The following PLA2G4C variants were observed in gnomAD, a reference collection of about 807,000 sequenced individuals.
PLA2G4C encodes cytosolic phospholipase A2 gamma.
In PLA2G4C, 64 loss-of-function variants were observed where a neutral mutation model predicts 73.8. The ratio of observed to expected loss-of-function variants is 0.87; its 90% CI spans 0.71 to 1.07. The LOEUF (loss-of-function observed/expected upper bound fraction) is 1.07, where lower values mean the gene tolerates loss of function less well. Ranked by LOEUF, PLA2G4C falls within the 50% of genes least tolerant of loss-of-function variation. The pLI is 0.00. For missense variants in PLA2G4C, 622 were observed against 665.4 expected, an observed-to-expected ratio of 0.93 and a Z score of 0.72; for synonymous variants, 254 against 252.1, an observed-to-expected ratio of 1.01 and a Z score of -0.07.
At position 48,110,729 on chromosome 19, in the gene PLA2G4C, G is replaced by A. The variant is rs1166872411; in HGVS notation, c.-275C>T. On this transcript the variant is annotated 5_prime_UTR_variant, in exon 1 of 17. Coordinates refer to ENST00000599921, the MANE Select transcript of PLA2G4C (RefSeq NM_003706.3). The stretch of plus-strand genomic sequence containing the variant: ...GGTGTTTCCTCCTGGTCCTGAGCAG[G>A]GCCAACCTGGAGGTAAAATGGCCCC... 2 of 433,388 alleles carry A rather than the reference G, an allele frequency of 4.6e-6. No individual in the cohort carries two copies. Among genetic ancestry groups the A allele is most frequent in the Non-Finnish European group, 8.0e-6 (2 of 251,412 alleles). The allele number at this position is 433,388 out of a possible 1,614,324, so 26.8% of individuals were successfully genotyped here.
chr19:48,099,108 A>T (rs1600248148), intron 5 of PLA2G4C, among the ~76,000 whole-genome samples: 2 of 145,152 alleles, frequency 1.4e-5, no homozygotes, highest in African/African-American at 5.2e-5. Context: ...AAAAAAAAAA[A>T]TAATTAAAAA....
chr19:48,058,690 C>T (rs759523796), intron 14 of PLA2G4C, among the ~76,000 whole-genome samples: 50 of 151,096 alleles, frequency 3.3e-4, no homozygotes, highest in Non-Finnish European at 6.3e-4. Flanking sequence ...TGGTGGCGGG[C>T]GCCTGTAATC....
chr19:48,074,725 G>C, intron 12 of PLA2G4C, 42 bp downstream of exon 12: 2 of 1,359,128 alleles, frequency 1.5e-6, no homozygotes, highest in Non-Finnish European at 2.1e-6. Context: ...GAAGGTTGGT[G>C]GCACTTACTG....
At chr19:48,106,033 G>A (rs553306544) in intron 2 of PLA2G4C, among the ~76,000 whole-genome samples, 1 of 137,512 alleles carries the variant, frequency 7.3e-6, no homozygotes, top group South Asian at 2.4e-4. Context: ...GTCTCGCTCT[G>A]TTGCCCAGGC....
chr19:48,098,515 C>T (rs2031724500), intron 5 of PLA2G4C, among the ~76,000 whole-genome samples: 1 of 150,844 alleles, frequency 6.6e-6, no homozygotes, highest in East Asian at 2.0e-4. Context: ...TAGAGACAGG[C>T]TTTTGCTATG....
chr19:48,110,677 C>G lies in PLA2G4C; in HGVS notation c.-223G>C, dbSNP rs1330702218. The stretch of plus-strand genomic sequence containing the variant: ...TGTGGTCCTCCTGCTTTCCTTTTCC[C>G]CCTGTGGGAGGAGGTCGCGGGCTGG... On this transcript the variant is annotated 5_prime_UTR_variant, in exon 1 of 17. Transcript: ENST00000599921. The G allele has an allele frequency of 8.3e-6, 4 of 480,216 alleles. No individual in the cohort carries two copies. The highest frequency in any genetic ancestry group is 1.3e-5 in the Non-Finnish European group (4 of 303,684). 29.7% of individuals were successfully genotyped at this position (480,216 alleles called of 1,614,324 possible). A position where few individuals can be genotyped will look rare whatever the true frequency, so the allele number is the denominator to read the frequency against.
intron 4 of PLA2G4C, among the ~76,000 whole-genome samples, chr19:48,102,475 G>C (rs1253187611): frequency 6.6e-6 from 1 of 152,026 alleles, no homozygotes; most frequent in Admixed American, 6.6e-5. Flanking sequence ...TGGGCGACAA[G>C]AGCAAGACTG....
At chr19:48,093,441 C>T (rs1019566218) in intron 7 of PLA2G4C, among the ~76,000 whole-genome samples, 1 of 152,162 alleles carries the variant, frequency 6.6e-6, no homozygotes, top group Non-Finnish European at 1.5e-5. Flanking sequence ...TAAGTTTACA[C>T]ACCCACCCCT....
chr19:48,074,987 A>T, intron 11 of PLA2G4C, 113 bp from the exon 12 acceptor site: 1 of 634,156 alleles, frequency 1.6e-6, no homozygotes, highest in Non-Finnish European at 2.7e-6. Flanking sequence ...TCCTGAGGTG[A>T]CCTCCTTCTC....
Position 48,110,551 on chromosome 19 carries a change from A to G in PLA2G4C, c.-97T>C. On this transcript the variant is annotated 5_prime_UTR_variant, in exon 1 of 17. Coordinates refer to ENST00000599921, the MANE Select transcript of PLA2G4C (RefSeq NM_003706.3). The stretch of plus-strand genomic sequence containing the variant: ...GCTTGTGCTCCGGAATCCGGTGCGG[A>G]GGCTTGGGCTCCCTGCGCTTAGCGG... 5 of 1,519,910 alleles carry G rather than the reference A, an allele frequency of 3.3e-6. No individual in the cohort carries two copies. The highest frequency in any genetic ancestry group is 3.5e-6 in the Non-Finnish European group (4 of 1,136,652). 94.2% of individuals were successfully genotyped at this position (1,519,910 alleles called of 1,614,324 possible).
At chr19:48,110,372 TA>T (rs2032433726) in intron 1 of PLA2G4C, 114 bp downstream of exon 1, 2 of 643,740 alleles carry the variant, frequency 3.1e-6, no homozygotes, top group African/African-American at 1.9e-5. Flanking sequence ...ATAAATAAAA[TA>T]AAATAAAATA....
At chr19:48,084,975 T>C in intron 10 of PLA2G4C, 84 bp downstream of exon 10, 1 of 967,902 alleles carries the variant, frequency 1.0e-6, no homozygotes, top group Non-Finnish European at 1.7e-6. Context: ...AGGCCTCTTT[T>C]CTGCCACATG....
chr19:48,089,431 C>T (rs78892423), intron 8 of PLA2G4C, among the ~76,000 whole-genome samples: 5,731 of 152,036 alleles, frequency 0.038, 151 homozygotes, highest in African/African-American at 0.051. Flanking sequence ...AAACAAACAA[C>T]AAAAAAAGTC....
At chr19:48,103,681 G>A (rs1411510968) in intron 4 of PLA2G4C, among the ~76,000 whole-genome samples, 2 of 152,208 alleles carry the variant, frequency 1.3e-5, no homozygotes, top group South Asian at 4.1e-4. Flanking sequence ...GTCCTACACG[G>A]ATTAATGCAA....
chr19:48,063,511 T>A (rs1968278353), intron 13 of PLA2G4C, among the ~76,000 whole-genome samples: 1 of 151,740 alleles, frequency 6.6e-6, no homozygotes, highest in Non-Finnish European at 1.5e-5. Flanking sequence ...AGATTTATTT[T>A]CCTTTCACAG....
intron 1 of PLA2G4C, among the ~76,000 whole-genome samples, chr19:48,108,057 G>A (rs1013697375): frequency 1.3e-4 from 20 of 151,990 alleles, no homozygotes; most frequent in African/African-American, 3.4e-4. Context: ...CGGTCTCTGC[G>A]TCTTGGTGGT....
chr19:48,082,311 CAT>C (rs1023389981), intron 10 of PLA2G4C, among the ~76,000 whole-genome samples: 2 of 151,672 alleles, frequency 1.3e-5, no homozygotes. Flanking sequence ...AAATATTGTA[CAT>C]GTTATAACTT....
chr19:48,066,328 C>T (rs1052369652), intron 13 of PLA2G4C, among the ~76,000 whole-genome samples: 3 of 152,074 alleles, frequency 2.0e-5, no homozygotes, highest in East Asian at 1.9e-4. Context: ...ACTGAGAAAG[C>T]GACTTCATCC....
intron 4 of PLA2G4C, 75 bp from the exon 5 acceptor site, chr19:48,099,935 G>A: frequency 9.7e-7 from 1 of 1,034,352 alleles, no homozygotes; most frequent in Non-Finnish European, 1.4e-6. Context: ...ATGTGTGCAA[G>A]GAGGTCCTTC....
Sources: gnomAD v4.1 joint callset for allele counts (sites outside exome capture counted in the v4.1 genomes callset) on GRCh38, gnomAD v4.1.1 for gene constraint, MANE v1.5 for transcripts, NCBI Gene and HGNC (gene_info 2026-07-23, HGNC 2026-07-21) for gene names.